Variants in SHB observed in about 807,000 individuals in gnomAD.
SHB encodes SH2 domain-containing adapter protein B.
SHB carries 20 observed loss-of-function variants against 52.3 expected under a neutral mutation model. The ratio of observed to expected loss-of-function variants is 0.38; its 90% CI spans 0.27 to 0.56. The LOEUF (loss-of-function observed/expected upper bound fraction) is 0.56. Among genes scored for constraint, SHB ranks in the 20% least tolerant of loss-of-function variants. SHB has a pLI of 0.71. For missense variants in SHB, 825 were observed against 723.3 expected (o/e 1.14, Z -1.61); for synonymous variants, 397 against 316.5 (o/e 1.25, Z -2.70).
intron 1 of SHB, among the ~76,000 whole-genome samples, chr9:38,058,344 G>A (rs937208214): frequency 2.0e-5 from 3 of 152,162 alleles, no homozygotes; most frequent in African/African-American, 7.2e-5. Flanking sequence ...GGACCCCTAG[G>A]CCTCAGCTGC....
At chr9:37,984,363 G>C (rs543613094) in intron 2 of SHB, among the ~76,000 whole-genome samples, 1 of 152,326 alleles carries the variant, frequency 6.6e-6, no homozygotes, top group East Asian at 1.9e-4. Flanking sequence ...GTGCCACTTT[G>C]ATAATCTGAC....
At chr9:38,020,599 A>G (rs1392575027) in intron 1 of SHB, among the ~76,000 whole-genome samples, 2 of 152,216 alleles carry the variant, frequency 1.3e-5, no homozygotes, top group Admixed American at 6.5e-5. Context: ...GATCTAAGAC[A>G]TGGAGGAAAT....
rs115057781 is a variant in SHB at position 37,945,024 on chromosome 9, G to A, written c.1346+3611C>T. On this transcript the variant is annotated intron_variant, in intron 5 of 5. Coordinates refer to ENST00000377707, the MANE Select transcript of SHB (RefSeq NM_003028.3). ...GACTCTCTCTGATGCCCAGCCCAGT[G>A]GCTGGTACGGAGGGCTCTGAAAAAT... Among the ~76,000 whole-genome samples the A allele has an allele frequency of 4.7e-3, 708 of 152,110 alleles. 4 individuals are homozygous for A. The highest frequency in any genetic ancestry group is 0.016 in the African/African-American group (683 of 41,470).
intron 2 of SHB, among the ~76,000 whole-genome samples, chr9:37,999,633 G>A (rs1408544070): frequency 6.6e-6 from 1 of 152,102 alleles, no homozygotes; most frequent in Admixed American, 6.5e-5. Flanking sequence ...ACAGAGACTG[G>A]GGACAAACAA....
intron 1 of SHB, among the ~76,000 whole-genome samples, chr9:38,067,397 T>C (rs992856960): frequency 1.3e-5 from 2 of 150,464 alleles, no homozygotes; most frequent in African/African-American, 4.9e-5. Flanking sequence ...AACCTAGAGC[T>C]GGGGGTGGGG....
At chr9:38,062,436 G>A (rs1311524425) in intron 1 of SHB, among the ~76,000 whole-genome samples, 2 of 152,160 alleles carry the variant, frequency 1.3e-5, no homozygotes, top group African/African-American at 4.8e-5. Flanking sequence ...CTTATGATTT[G>A]CTTTAGTCAA....
chr9:38,062,109 GGGA>G (rs927257580), intron 1 of SHB, among the ~76,000 whole-genome samples: 30 of 152,298 alleles, frequency 2.0e-4, no homozygotes, highest in African/African-American at 7.2e-4. Flanking sequence ...TTAAGTAAAG[GGGA>G]GGAGGAGACA....
intron 5 of SHB, among the ~76,000 whole-genome samples, chr9:37,921,712 G>A (rs1233676971): frequency 6.6e-6 from 1 of 152,236 alleles, no homozygotes; most frequent in Non-Finnish European, 1.5e-5. Flanking sequence ...CTGAGAAGCA[G>A]GCGGCGCACT....
chr9:37,987,407 T>C (rs1187340010), intron 2 of SHB, among the ~76,000 whole-genome samples: 1 of 152,132 alleles, frequency 6.6e-6, no homozygotes, highest in Non-Finnish European at 1.5e-5. Flanking sequence ...GGCTCCAAAG[T>C]CCATGTCCTT....
intron 1 of SHB, among the ~76,000 whole-genome samples, chr9:38,051,859 C>T (rs559137396): frequency 6.6e-6 from 1 of 152,278 alleles, no homozygotes; most frequent in South Asian, 2.1e-4. Context: ...TTTGACTGAG[C>T]CCAGCAAACA....
intron 5 of SHB, among the ~76,000 whole-genome samples, chr9:37,923,089 G>A (rs957688334): frequency 4.6e-5 from 7 of 152,236 alleles, no homozygotes; most frequent in African/African-American, 1.7e-4. Flanking sequence ...TGCAGAAAGG[G>A]GAGGTGTCTG....
chr9:37,969,430 G>A (rs1820567793), intron 3 of SHB, among the ~76,000 whole-genome samples: 1 of 152,210 alleles, frequency 6.6e-6, no homozygotes, highest in Non-Finnish European at 1.5e-5. Context: ...CACAGAAAGT[G>A]CTCAGTAAAT....
chr9:37,975,349 A>T (rs955001179), intron 2 of SHB, among the ~76,000 whole-genome samples: 1 of 152,208 alleles, frequency 6.6e-6, no homozygotes, highest in African/African-American at 2.4e-5. Flanking sequence ...AGGAGACCAG[A>T]GGCCACTTTT....
At chr9:37,923,582 G>A (rs185926815) in intron 5 of SHB, among the ~76,000 whole-genome samples, 26 of 152,332 alleles carry the variant, frequency 1.7e-4, no homozygotes, top group Admixed American at 1.6e-3. Flanking sequence ...CCCCATGAGG[G>A]AGATGCCATC....
chr9:38,025,638 C>T (rs144250056), intron 1 of SHB, among the ~76,000 whole-genome samples: 144 of 152,308 alleles, frequency 9.5e-4, no homozygotes, highest in African/African-American at 3.3e-3. Flanking sequence ...TCTCACCCTC[C>T]TCATCTGTGA....
intron 1 of SHB, among the ~76,000 whole-genome samples, chr9:38,016,941 G>C (rs1821221387): frequency 6.6e-6 from 1 of 152,218 alleles, no homozygotes; most frequent in African/African-American, 2.4e-5. Flanking sequence ...CACAGACAAA[G>C]AGTGAGTCAC....
intron 5 of SHB, among the ~76,000 whole-genome samples, chr9:37,921,718 G>A (rs1183256578): frequency 1.3e-5 from 2 of 152,170 alleles, no homozygotes; most frequent in Admixed American, 6.5e-5. Context: ...AGCAGGCGGC[G>A]CACTCGCTTA....
chr9:38,057,848 C>T (rs1371706769), intron 1 of SHB, among the ~76,000 whole-genome samples: 1 of 152,246 alleles, frequency 6.6e-6, no homozygotes, highest in Admixed American at 6.5e-5. Flanking sequence ...GGACCACTTC[C>T]TATCAGAAGC....
rs889633717 is a variant in SHB at position 38,068,280 on chromosome 9, G to T, written c.366C>A (p.Gly122=). 2.7e-6 allele frequency: 4 copies of T among 1,473,962 alleles called. No homozygotes were observed. Among genetic ancestry groups the T allele is most frequent in the Admixed American group, 2.5e-5 (1 of 40,292 alleles). 91.3% of individuals were successfully genotyped at this position (1,473,962 alleles called of 1,614,324 possible). Residue 122 remains glycine, a synonymous_variant, in exon 1 of 6, where the codon GGC becomes GGA. Coordinates refer to ENST00000377707, the MANE Select transcript of SHB (RefSeq NM_003028.3). ...AGGCCGAGAAGGCGCGCTGGACCCC[G>T]CCTGGCTCCCCGCTGCCGCCGCAGT... is the stretch of plus-strand genomic sequence containing the variant. The part of the protein sequence containing the change: ...LDYCGGSGEP[G]GVQRAFSASS...
Sources: allele counts gnomAD v4.1 joint callset (sites outside exome capture counted in the v4.1 genomes callset), GRCh38; gene constraint gnomAD v4.1.1; transcripts MANE v1.5; gene names NCBI Gene and HGNC (gene_info 2026-07-23, HGNC 2026-07-21).